Variants in GNAO1 observed in about 807,000 individuals in gnomAD.
GNAO1 encodes the protein G protein subunit alpha o1.
For missense variants in GNAO1, 166 were observed against 478.7 expected (o/e 0.35, Z 6.10); for synonymous variants, 164 against 180.7 (o/e 0.91, Z 0.74).
At chr16:56,276,340 A>G (rs1250084935) in intron 3 of GNAO1, 1 of 324,438 alleles carries the variant, frequency 3.1e-6, no homozygotes, top group African/African-American at 2.1e-5. Flanking sequence ...ACAGTTCTAA[A>G]TTGGAGCTGC....
intron 2 of GNAO1, among the ~76,000 whole-genome samples, chr16:56,228,034 C>T (rs2036548991): frequency 6.6e-6 from 1 of 152,068 alleles, no homozygotes; most frequent in Admixed American, 6.5e-5. Context: ...CAGTGCTGGG[C>T]TTGGTTACCT....
intron 2 of GNAO1, 42 bp from the exon 3 acceptor site, chr16:56,275,889 A>T: frequency 6.4e-7 from 1 of 1,573,240 alleles, no homozygotes; most frequent in Non-Finnish European, 8.7e-7. Flanking sequence ...GTTGATGAGG[A>T]CAATGCTCTC....
At chr16:56,223,602 A>G (rs745985100) in intron 2 of GNAO1, among the ~76,000 whole-genome samples, 4 of 152,282 alleles carry the variant, frequency 2.6e-5, no homozygotes, top group Middle Eastern at 3.4e-3. Flanking sequence ...TCTGCTCATC[A>G]CAGTGACCTA....
At chr16:56,310,038 G>T (rs939132882) in intron 3 of GNAO1, among the ~76,000 whole-genome samples, 6 of 132,548 alleles carry the variant, frequency 4.5e-5, no homozygotes, top group Admixed American at 7.4e-5. Context: ...TAGGTCAGAT[G>T]CAGTGGCTTA....
chr16:56,270,010 G>A (rs1195062089), intron 2 of GNAO1, among the ~76,000 whole-genome samples: 1 of 152,144 alleles, frequency 6.6e-6, no homozygotes, highest in African/African-American at 2.4e-5. Context: ...GAGAGCAAAG[G>A]GAGCCCAAGT....
Position 56,292,776 on chromosome 16 carries a change from T to C in GNAO1, c.303+16704T>C, listed in dbSNP as rs189412384. 1.5e-3 allele frequency among the ~76,000 whole-genome samples: 224 copies of C among 152,330 alleles called. 1 individual carries two copies. The highest frequency in any genetic ancestry group is 4.9e-3 in the African/African-American group (205 of 41,576). ...TTTGATAATTGCCTACTCTGAAAAGTATTTAAAAATACTGGAGAAAGTATT... is the reference window on the plus strand; with the variant it reads ...TTTGATAATTGCCTACTCTGAAAAGCATTTAAAAATACTGGAGAAAGTATT... On this transcript the variant is annotated intron_variant, in intron 3 of 8. Transcript: ENST00000262493.
At chr16:56,243,351 C>A (rs1410527725) in intron 2 of GNAO1, among the ~76,000 whole-genome samples, 1 of 152,058 alleles carries the variant, frequency 6.6e-6, no homozygotes, top group Non-Finnish European at 1.5e-5. Context: ...GGGACTGCTG[C>A]TTTAGAGGAT....
chr16:56,292,059 G>A (rs1567471847), intron 3 of GNAO1, among the ~76,000 whole-genome samples: 1 of 152,204 alleles, frequency 6.6e-6, no homozygotes, highest in Non-Finnish European at 1.5e-5. Context: ...TTTTGGAGCT[G>A]AAGGAACTGG....
chr16:56,350,514 C>T (rs1232946884), intron 6 of GNAO1, among the ~76,000 whole-genome samples: 1 of 152,214 alleles, frequency 6.6e-6, no homozygotes, highest in East Asian at 1.9e-4. Context: ...AGGCTGCCCC[C>T]GTTCGGCATC....
intron 2 of GNAO1, among the ~76,000 whole-genome samples, chr16:56,200,276 A>G (rs1163005049): frequency 3.3e-5 from 5 of 152,202 alleles, no homozygotes; most frequent in African/African-American, 1.2e-4. Flanking sequence ...TTTTGCTCAT[A>G]GTACAGCACC....
intron 6 of GNAO1, chr16:56,344,744 A>G (rs569427634): frequency 1.0e-6 from 1 of 985,350 alleles, no homozygotes; most frequent in African/African-American, 1.7e-5. Flanking sequence ...CCAAAGGGTG[A>G]CCCATTTCTT....
intron 2 of GNAO1, among the ~76,000 whole-genome samples, chr16:56,215,272 A>G (rs1029379245): frequency 6.6e-6 from 1 of 152,184 alleles, no homozygotes; most frequent in African/African-American, 2.4e-5. Flanking sequence ...GAGTTTTTAT[A>G]TGCCCTCAAG....
intron 3 of GNAO1, among the ~76,000 whole-genome samples, chr16:56,289,239 C>T (rs12600088): frequency 0.47 from 71,063 of 152,038 alleles, 17,382 homozygotes; most frequent in East Asian, 0.56. Flanking sequence ...CAGTATCCAG[C>T]GCACTGGGGG....
intron 3 of GNAO1, among the ~76,000 whole-genome samples, chr16:56,324,222 T>A (rs1417334994): frequency 2.6e-5 from 4 of 152,246 alleles, no homozygotes; most frequent in African/African-American, 9.6e-5. Flanking sequence ...GGGAGCACAG[T>A]AGCTTTGTGG....
chr16:56,290,994 A>G (rs1440812089), intron 3 of GNAO1, among the ~76,000 whole-genome samples: 6 of 152,238 alleles, frequency 3.9e-5, no homozygotes, highest in African/African-American at 1.4e-4. Context: ...TGGATATACC[A>G]AATTTCATTC....
At chr16:56,194,667 G>C (rs184051553) in intron 2 of GNAO1, 176 of 177,852 alleles carry the variant, frequency 9.9e-4, no homozygotes, top group African/African-American at 3.9e-3. Flanking sequence ...GAAATACTCG[G>C]GGGAGGGGAG....
rs530956251 is a variant in GNAO1 at position 56,326,329 on chromosome 16, C to A, written c.304-2302C>A. Reference sequence around the variant, plus strand: ...ATTTTGGTTAGGAGAGTGGTCTGAGCAAAGTCCTGTCAGCCACAGAGACAT... The same window carrying A: ...ATTTTGGTTAGGAGAGTGGTCTGAGAAAAGTCCTGTCAGCCACAGAGACAT... On this transcript the variant is annotated intron_variant, in intron 3 of 8. Transcript: ENST00000262493. This position sits in a 1 kb window ranked among gnomAD's most constrained non-coding sequence, Gnocchi z 4.8. Among the ~76,000 whole-genome samples, 1 of 152,302 alleles carries A rather than the reference C, an allele frequency of 6.6e-6. No homozygotes were observed. The highest frequency in any genetic ancestry group is 2.4e-5 in the African/African-American group (1 of 41,558).
chr16:56,208,232 A>T (rs2036348515), intron 2 of GNAO1, among the ~76,000 whole-genome samples: 1 of 152,170 alleles, frequency 6.6e-6, no homozygotes, highest in Non-Finnish European at 1.5e-5. Flanking sequence ...TAATTTTCCT[A>T]TGTAGCATTC....
At chr16:56,256,171 G>A (rs1259429955) in intron 2 of GNAO1, among the ~76,000 whole-genome samples, 2 of 152,162 alleles carry the variant, frequency 1.3e-5, no homozygotes, top group Non-Finnish European at 2.9e-5. Context: ...GAGTGGAGCT[G>A]TCCTTACCCT....
Sources: allele counts gnomAD v4.1 joint callset (sites outside exome capture counted in the v4.1 genomes callset), GRCh38; gene constraint gnomAD v4.1.1; non-coding constraint Gnocchi (gnomAD v3.1); transcripts MANE v1.5; gene names NCBI Gene and HGNC (gene_info 2026-07-23, HGNC 2026-07-21).